DENND6A: variants seen among roughly 807,000 people sequenced by gnomAD.
DENND6A encodes protein DENND6A.
Under a neutral mutation model 95.5 loss-of-function variants are expected in DENND6A, and 43 were observed. The ratio of observed to expected loss-of-function variants is 0.45; its 90% CI spans 0.35 to 0.58. The LOEUF (loss-of-function observed/expected upper bound fraction) is 0.58, where lower values mean the gene tolerates loss of function less well. Ranked by LOEUF, DENND6A falls within the 20% of genes least tolerant of loss-of-function variation. DENND6A has a pLI of 0.00. For missense variants in DENND6A, 574 were observed against 736.0 expected (o/e 0.78, Z 2.55); for synonymous variants, 257 against 260.4 (o/e 0.99, Z 0.13).
chr3:57,634,853 TTTA>T, intron 12 of DENND6A, 84 bp from the exon 13 acceptor site: 1 of 1,109,938 alleles, frequency 9.0e-7, no homozygotes, highest in Non-Finnish European at 1.2e-6. Flanking sequence ...TTATAATCTG[TTTA>T]TTACTTAAGT....
chr3:57,691,979 C>T (rs995656619), intron 1 of DENND6A, among the ~76,000 whole-genome samples: 9 of 151,860 alleles, frequency 5.9e-5, no homozygotes, highest in Admixed American at 2.6e-4. Flanking sequence ...CGCATGTAAT[C>T]CCACCACTTT....
At chr3:57,686,698 C>T (rs972778455) in intron 1 of DENND6A, among the ~76,000 whole-genome samples, 3 of 152,170 alleles carry the variant, frequency 2.0e-5, no homozygotes, top group Non-Finnish European at 4.4e-5. Flanking sequence ...CACCACAAAC[C>T]ATGCCCATAT....
Position 57,631,716 on chromosome 3 carries a change from CTTTTTTTTTTT to C in DENND6A, c.1354-749_1354-739del, listed in dbSNP as rs1156532234. 1.2e-4 allele frequency among the ~76,000 whole-genome samples: 11 copies of C among 92,016 alleles called. No homozygotes were observed. The South Asian group carries it at 4.2e-3, about 35-fold the overall frequency. 60.4% of individuals were successfully genotyped at this position (92,016 alleles called of 152,430 possible). ...TCTACTTGACTTTGGTCTCTGCTCT[CTTTTTTTTTTT>C]TTTTTTTTTTTTTGAGACGGAGTCT... On this transcript the variant is annotated intron_variant, in intron 15 of 19. Transcript: ENST00000311128.
At chr3:57,636,149 G>A (rs1256068588) in intron 12 of DENND6A, among the ~76,000 whole-genome samples, 2 of 152,108 alleles carry the variant, frequency 1.3e-5, no homozygotes, top group African/African-American at 4.8e-5. Flanking sequence ...AGGAGTTAAA[G>A]GTATACACAG....
chr3:57,662,337 T>A (rs529916404), intron 5 of DENND6A, among the ~76,000 whole-genome samples: 30 of 151,910 alleles, frequency 2.0e-4, no homozygotes, highest in South Asian at 1.0e-3. Flanking sequence ...ACTACAGGTG[T>A]ATGCCATCAA....
chr3:57,682,887 A>C (rs568618589), intron 1 of DENND6A, among the ~76,000 whole-genome samples: 1 of 152,182 alleles, frequency 6.6e-6, no homozygotes, highest in Non-Finnish European at 1.5e-5. Flanking sequence ...CATGTTGGCC[A>C]GGCTGGTCTC....
At chr3:57,679,768 G>A (rs1289578065) in intron 1 of DENND6A, among the ~76,000 whole-genome samples, 2 of 152,190 alleles carry the variant, frequency 1.3e-5, no homozygotes, top group Admixed American at 1.3e-4. Context: ...GGGATTGTGG[G>A]CTACATTAAA....
chr3:57,653,748 A>C (rs2071260751), intron 9 of DENND6A, among the ~76,000 whole-genome samples: 1 of 149,878 alleles, frequency 6.7e-6, no homozygotes. Flanking sequence ...TCCATCTAAA[A>C]AAAAAAAAAA....
At position 57,625,484 on chromosome 3, in the gene DENND6A, T is replaced by G. The variant is rs1276956095; in HGVS notation, c.*2730A>C. 1 of 152,602 alleles carries G rather than the reference T, an allele frequency of 6.6e-6. No homozygotes were observed. Among genetic ancestry groups the G allele is most frequent in the Non-Finnish European group, 1.5e-5 (1 of 68,052 alleles). The allele number at this position is 152,602 out of a possible 1,614,324, so 9.5% of individuals were successfully genotyped here. A position where few individuals can be genotyped will look rare whatever the true frequency, so the allele number is the denominator to read the frequency against. Reference sequence around the variant, plus strand: ...TAAAATCCAAGGCCTTTAATTTAGTTTTTGGTAATGACCATAAATGCCTTC... The same window carrying G: ...TAAAATCCAAGGCCTTTAATTTAGTGTTTGGTAATGACCATAAATGCCTTC... On this transcript the variant is annotated 3_prime_UTR_variant, in exon 20 of 20. Transcript: ENST00000311128.
intron 3 of DENND6A, among the ~76,000 whole-genome samples, chr3:57,670,797 C>A (rs1309550417): frequency 6.6e-6 from 1 of 152,174 alleles, no homozygotes; most frequent in African/African-American, 2.4e-5. Flanking sequence ...AAGAGAAGAG[C>A]ATCCAGCATA....
chr3:57,687,565 T>G (rs775835327), intron 1 of DENND6A, among the ~76,000 whole-genome samples: 35 of 152,186 alleles, frequency 2.3e-4, no homozygotes, highest in Non-Finnish European at 3.5e-4. Context: ...TGAAATAGCC[T>G]TCTGTTGGAA....
chr3:57,647,750 C>T (rs2071109497), intron 9 of DENND6A, among the ~76,000 whole-genome samples: 1 of 148,322 alleles, frequency 6.7e-6, no homozygotes, highest in South Asian at 2.1e-4. Context: ...GAGGCTTGAC[C>T]TGGTGTTGAG....
Position 57,677,765 on chromosome 3 carries a change from C to T in DENND6A, c.238-5327G>A, listed in dbSNP as rs1357628127. Reference sequence around the variant, plus strand: ...CTTTTAACAGAAAGAATCATGGTTGCTTTTTTTCCTTGATGGCAGAAAGCA... The same window carrying T: ...CTTTTAACAGAAAGAATCATGGTTGTTTTTTTTCCTTGATGGCAGAAAGCA... On this transcript the variant is annotated intron_variant, in intron 1 of 19. Transcript: ENST00000311128. Among the ~76,000 whole-genome samples, 3 of 152,024 alleles carry T rather than the reference C, an allele frequency of 2.0e-5. No homozygotes were observed. In the East Asian group the frequency reaches 5.8e-4, roughly 29 times the overall value.
chr3:57,631,005 A>C, intron 15 of DENND6A, 27 bp from the exon 16 acceptor site: 1 of 1,603,856 alleles, frequency 6.2e-7, no homozygotes, highest in Non-Finnish European at 8.5e-7. Context: ...AGTTAATAAA[A>C]GGAGTGTCTT....
chr3:57,673,493 A>G (rs1282706269), intron 1 of DENND6A, among the ~76,000 whole-genome samples: 1 of 152,184 alleles, frequency 6.6e-6, no homozygotes, highest in Non-Finnish European at 1.5e-5. Flanking sequence ...AGATAGAAGG[A>G]ATAAGATCTA....
At chr3:57,637,501 T>A (rs2070820553) in intron 12 of DENND6A, among the ~76,000 whole-genome samples, 1 of 152,100 alleles carries the variant, frequency 6.6e-6, no homozygotes, top group Non-Finnish European at 1.5e-5. Flanking sequence ...AAAGAAGATG[T>A]TTTTTTCTCT....
chr3:57,648,530 T>C (rs930465936), intron 9 of DENND6A, among the ~76,000 whole-genome samples: 3 of 152,056 alleles, frequency 2.0e-5, no homozygotes, highest in Non-Finnish European at 4.4e-5. Context: ...AAAATTCATA[T>C]GGAACCAAAA....
chr3:57,639,754 T>C (rs1469734555), intron 12 of DENND6A, among the ~76,000 whole-genome samples: 1 of 151,950 alleles, frequency 6.6e-6, no homozygotes, highest in Non-Finnish European at 1.5e-5. Flanking sequence ...CAGTTCTGAT[T>C]GCCAAGATGA....
Position 57,663,717 on chromosome 3 carries a change from C to CT in DENND6A, c.433-2dup. ...ATCCATAAAAATAAGCAGGATCCTT[C>CT]TAAGAAGAAAGTGACAAGTAAGTGT... On this transcript the variant is annotated splice_acceptor_variant, in intron 4 of 19. Transcript: ENST00000311128. LOFTEE classifies it high-confidence loss of function. 1 of 1,563,106 alleles carries CT rather than the reference C, an allele frequency of 6.4e-7. No individual in the cohort carries two copies.
Sources: allele counts gnomAD v4.1 joint callset (sites outside exome capture counted in the v4.1 genomes callset), GRCh38; gene constraint gnomAD v4.1.1; transcripts MANE v1.5; gene names NCBI Gene and HGNC (gene_info 2026-07-23, HGNC 2026-07-21).